UTRN: variants seen among roughly 807,000 people sequenced by gnomAD.
UTRN encodes utrophin, also known as dystrophin-related protein 1.
A neutral mutation model predicts 463.9 loss-of-function variants in UTRN; 283 were observed. The observed-to-expected ratio is 0.61, with a 90% confidence interval of 0.55 to 0.67. The LOEUF is 0.67. UTRN is among the 30% of genes least tolerant of loss of function. UTRN has a pLI of 0.00. For missense variants in UTRN, 3,922 were observed against 4,084.3 expected, an observed-to-expected ratio of 0.96 and a Z score of 1.08; for synonymous variants, 1,442 against 1,431.5, an observed-to-expected ratio of 1.01 and a Z score of -0.17.
At chr6:144,602,903 A>G (rs1445954319) in intron 51 of UTRN, among the ~76,000 whole-genome samples, 3 of 152,226 alleles carry the variant, frequency 2.0e-5, no homozygotes, top group African/African-American at 7.2e-5. Context: ...CACTTAATAG[A>G]GTAGTTTAGT....
Position 144,437,707 on chromosome 6 carries a change from G to T in UTRN, c.1202G>T (p.Trp401Leu). 2 of 1,614,070 alleles carry T rather than the reference G, an allele frequency of 1.2e-6. No individual in the cohort carries two copies. The highest frequency in any genetic ancestry group is 1.7e-6 in the Non-Finnish European group (2 of 1,179,970). Residue 401 changes from tryptophan to leucine, a missense_variant, in exon 11 of 75, where the codon TGG becomes TTG. Physicochemically the swap from Trp to Leu is moderately conservative, Grantham distance 61. Transcript: ENST00000367545. The stretch of plus-strand genomic sequence containing the variant: ...CAGATGACCCTGCTGAATGCTAGAT[G>T]GGAGGCTCTTAGGGTGGAGAGTATG... ...QEQMTLLNARWEALRVESMDR... is the reference protein window; with the variant it reads ...QEQMTLLNARLEALRVESMDR...
intron 2 of UTRN, among the ~76,000 whole-genome samples, chr6:144,306,453 C>A (rs1805746665): frequency 6.6e-6 from 1 of 151,968 alleles, no homozygotes; most frequent in South Asian, 2.1e-4. Flanking sequence ...CCTGATAGGA[C>A]ATGGTGGTGG....
intron 41 of UTRN, among the ~76,000 whole-genome samples, chr6:144,527,535 T>C (rs952732571): frequency 6.6e-6 from 1 of 152,230 alleles, no homozygotes; most frequent in Non-Finnish European, 1.5e-5. Flanking sequence ...TATTTGGATA[T>C]CTAGATCTCT....
intron 51 of UTRN, among the ~76,000 whole-genome samples, chr6:144,590,662 C>G (rs1440469935): frequency 6.6e-6 from 1 of 151,988 alleles, no homozygotes; most frequent in East Asian, 1.9e-4. Flanking sequence ...CAAGGAAGTA[C>G]AAATATGTTG....
intron 73 of UTRN, among the ~76,000 whole-genome samples, chr6:144,846,141 A>G (rs1781993059): frequency 1.3e-5 from 2 of 152,336 alleles, no homozygotes; most frequent in South Asian, 4.1e-4. Context: ...TGCCCTTGCA[A>G]AGCCCGCCAG....
At chr6:144,627,093 A>G (rs776602778) in intron 51 of UTRN, among the ~76,000 whole-genome samples, 4 of 148,592 alleles carry the variant, frequency 2.7e-5, no homozygotes, top group Non-Finnish European at 5.9e-5. Flanking sequence ...GTGTGTGTGC[A>G]CTACGCGGCA....
At chr6:144,348,010 AT>A (rs1777755485) in intron 2 of UTRN, among the ~76,000 whole-genome samples, 2 of 151,742 alleles carry the variant, frequency 1.3e-5, no homozygotes, top group Admixed American at 6.6e-5. Context: ...TACCTGGCTA[AT>A]TTTTAATAGT....
rs1433211269 is a variant in UTRN, at chr6:144,286,690, A to T, written c.-93+869A>T. ...TTTCAGATGGCAGGTTGTTCAAAGG[A>T]TTTTTTCCTCCAAGCCTCAGATTAT... On this transcript the variant is annotated intron_variant, in intron 1 of 74. Coordinates refer to ENST00000367545, the MANE Select transcript of UTRN (RefSeq NM_007124.3). This position sits in a 1 kb window ranked among gnomAD's most constrained non-coding sequence, Gnocchi z 4.4. 7.0e-6 allele frequency among the ~76,000 whole-genome samples: 1 copy of T among 143,500 alleles called. No homozygotes were observed. Among genetic ancestry groups the T allele is most frequent in the Admixed American group, 6.9e-5 (1 of 14,510 alleles). 94.1% of individuals were successfully genotyped at this position (143,500 alleles called of 152,430 possible). A position where few individuals can be genotyped will look rare whatever the true frequency, so the allele number is the denominator to read the frequency against.
intron 3 of UTRN, among the ~76,000 whole-genome samples, chr6:144,413,895 C>G (rs935733599): frequency 3.3e-5 from 5 of 152,056 alleles, no homozygotes; most frequent in Non-Finnish European, 7.4e-5. Flanking sequence ...CCTCTACCTC[C>G]CCTGTTCAAG....
intron 34 of UTRN, among the ~76,000 whole-genome samples, chr6:144,507,152 TA>T (rs1408241239): frequency 6.6e-6 from 1 of 152,048 alleles, no homozygotes; most frequent in Non-Finnish European, 1.5e-5. Flanking sequence ...TTAGTCTAGT[TA>T]GCAGTTTCTG....
chr6:144,708,866 G>A (rs1432204134), intron 53 of UTRN, among the ~76,000 whole-genome samples: 5 of 152,154 alleles, frequency 3.3e-5, no homozygotes, highest in Non-Finnish European at 7.3e-5. Context: ...CAAATCAAGG[G>A]CCTGTATCTG....
chr6:144,327,654 G>C (rs954271038), intron 2 of UTRN, among the ~76,000 whole-genome samples: 1 of 152,086 alleles, frequency 6.6e-6, no homozygotes, highest in African/African-American at 2.4e-5. Context: ...ACAGAAGTAA[G>C]GGGACTGGGC....
chr6:144,716,220 T>C (rs1786430542), intron 53 of UTRN, among the ~76,000 whole-genome samples: 1 of 151,888 alleles, frequency 6.6e-6, no homozygotes, highest in African/African-American at 2.4e-5. Context: ...ATTGTTGAGA[T>C]AGCTTTTAAA....
rs1037481965 is a variant in UTRN, at chr6:144,852,099, T to C, written c.*1102T>C. On this transcript the variant is annotated 3_prime_UTR_variant, in exon 75 of 75. Transcript: ENST00000367545. ...TTTCTTGTTGAAAGCAGACACACAT[T>C]TAGTGCACGGCTTATTTTACCTTTC... The C allele has an allele frequency of 2.0e-5, 3 of 152,208 alleles. No homozygotes were observed. The highest frequency in any genetic ancestry group is 4.4e-5 in the Non-Finnish European group (3 of 68,012). 9.4% of individuals were successfully genotyped at this position (152,208 alleles called of 1,614,324 possible). A position where few individuals can be genotyped will look rare whatever the true frequency, so the allele number is the denominator to read the frequency against.
intron 30 of UTRN, 89 bp downstream of exon 30, chr6:144,488,923 A>T: frequency 7.9e-7 from 1 of 1,262,586 alleles, no homozygotes; most frequent in Non-Finnish European, 1.0e-6. Flanking sequence ...CCTGCTCTCC[A>T]AAACCGAGAG....
chr6:144,417,010 AT>A (rs968663120), intron 3 of UTRN, among the ~76,000 whole-genome samples: 1 of 152,144 alleles, frequency 6.6e-6, no homozygotes, highest in African/African-American at 2.4e-5. Context: ...ATCAGTTTTT[AT>A]TTTTATTCAT....
rs1184025166 is a variant in UTRN, at chr6:144,400,216, A to G, written c.80-2907A>G. 2.0e-5 allele frequency among the ~76,000 whole-genome samples: 3 copies of G among 152,348 alleles called. No individual in the cohort carries two copies. In the East Asian group the frequency reaches 5.8e-4, roughly 29 times the overall value. ...AGAAGGTGTATATGCAGTGTAAATT[A>G]TATTCATTCACTTAATATTATACAT... On this transcript the variant is annotated intron_variant, in intron 2 of 74. Coordinates refer to ENST00000367545, the MANE Select transcript of UTRN (RefSeq NM_007124.3).
intron 2 of UTRN, among the ~76,000 whole-genome samples, chr6:144,387,556 A>C (rs978604476): frequency 2.6e-5 from 4 of 152,190 alleles, no homozygotes; most frequent in Non-Finnish European, 5.9e-5. Flanking sequence ...AATAGACTGG[A>C]AGCTGGGAAG....
At chr6:144,376,862 TG>T (rs1160642271) in intron 2 of UTRN, among the ~76,000 whole-genome samples, 1 of 152,202 alleles carries the variant, frequency 6.6e-6, no homozygotes, top group African/African-American at 2.4e-5. Flanking sequence ...CTTTATTACT[TG>T]GTTTATAGAA....
Sources: gnomAD v4.1 joint callset for allele counts (sites outside exome capture counted in the v4.1 genomes callset) on GRCh38, gnomAD v4.1.1 for gene constraint, Gnocchi (gnomAD v3.1) non-coding constraint, MANE v1.5 for transcripts, NCBI Gene and HGNC (gene_info 2026-07-23, HGNC 2026-07-21) for gene names.